The following HERPUD2 variants were observed in gnomAD, a reference collection of about 807,000 sequenced individuals.
HERPUD2 encodes the protein HERPUD family member 2.
Under a neutral mutation model 49.9 loss-of-function variants are expected in HERPUD2, and 13 were observed. The ratio of observed to expected loss-of-function variants is 0.26; its 90% CI spans 0.17 to 0.41. The LOEUF (loss-of-function observed/expected upper bound fraction) is 0.41. HERPUD2 is among the 10% of genes least tolerant of loss of function. HERPUD2 has a pLI of 1.00. For synonymous variants in HERPUD2, 172 were observed against 171.4 expected, an observed-to-expected ratio of 1.00 and a Z score of -0.03; for missense variants, 449 against 492.2, an observed-to-expected ratio of 0.91 and a Z score of 0.83.
intron 5 of HERPUD2, among the ~76,000 whole-genome samples, chr7:35,638,730 C>T (rs1384976768): frequency 1.3e-5 from 2 of 152,168 alleles, no homozygotes; most frequent in African/African-American, 2.4e-5. Context: ...ACAAAATGTA[C>T]ATCCAATCTA....
At chr7:35,641,077 A>G (rs1784961015) in intron 5 of HERPUD2, among the ~76,000 whole-genome samples, 1 of 152,216 alleles carries the variant, frequency 6.6e-6, no homozygotes, top group South Asian at 2.1e-4. Flanking sequence ...TGGCTAAGAA[A>G]TGTTGCAATA....
rs1027669966 is a variant in HERPUD2 at position 35,686,730 on chromosome 7, A to C, written c.147+7454T>G. 3.9e-5 allele frequency among the ~76,000 whole-genome samples: 4 copies of C among 102,278 alleles called. 1 individual carries two copies. Among genetic ancestry groups the C allele is most frequent in the South Asian group, 8.2e-4 (2 of 2,428 alleles). The allele number at this position is 102,278 out of a possible 152,430, so 67.1% of individuals were successfully genotyped here. ...CGACACTCCGTCTCAAAAAAAAAAA[A>C]AAAAAAAAAAAAAAACCAAACCCAT... is the stretch of plus-strand genomic sequence containing the variant. On this transcript the variant is annotated intron_variant, in intron 2 of 8. Coordinates refer to ENST00000311350, the MANE Select transcript of HERPUD2 (RefSeq NM_022373.5).
rs1583531861 is a variant in HERPUD2 at position 35,633,190 on chromosome 7, C to G, written c.*500G>C. On this transcript the variant is annotated 3_prime_UTR_variant, in exon 9 of 9. Coordinates refer to ENST00000311350, the MANE Select transcript of HERPUD2 (RefSeq NM_022373.5). ...CAGGCAATTCTCCTGCCTGAGCCCC[C>G]CAAGTAGCTGGGATTACAGGCGCGT... 6.6e-6 allele frequency: 1 copy of G among 152,014 alleles called. No individual in the cohort carries two copies. Among genetic ancestry groups the G allele is most frequent in the Non-Finnish European group, 1.5e-5 (1 of 68,094 alleles). The allele number at this position is 152,014 out of a possible 1,614,324, so 9.4% of individuals were successfully genotyped here. A position where few individuals can be genotyped will look rare whatever the true frequency, so the allele number is the denominator to read the frequency against.
intron 5 of HERPUD2, among the ~76,000 whole-genome samples, chr7:35,640,347 G>C (rs370798159): frequency 9.2e-5 from 14 of 152,264 alleles, no homozygotes; most frequent in Middle Eastern, 3.4e-3. Context: ...AAACAAGTCT[G>C]TTACTTCAAC....
chr7:35,673,515 A>G (rs1361242593), intron 2 of HERPUD2, among the ~76,000 whole-genome samples: 1 of 152,164 alleles, frequency 6.6e-6, no homozygotes, highest in Non-Finnish European at 1.5e-5. Context: ...TAATTAATAC[A>G]TTTAAAAACC....
chr7:35,675,295 A>AG (rs1285921934), intron 2 of HERPUD2, among the ~76,000 whole-genome samples: 1 of 152,212 alleles, frequency 6.6e-6, no homozygotes, highest in Non-Finnish European at 1.5e-5. Flanking sequence ...GCATAGTAGG[A>AG]GAAACTCAGT....
chr7:35,672,729 T>C (rs2115975651), intron 3 of HERPUD2, among the ~76,000 whole-genome samples: 1 of 152,234 alleles, frequency 6.6e-6, no homozygotes, highest in Middle Eastern at 3.4e-3. Context: ...TATAAAAATG[T>C]ATTGAAATAT....
intron 5 of HERPUD2, among the ~76,000 whole-genome samples, chr7:35,650,529 G>A (rs1348878889): frequency 2.0e-5 from 3 of 152,060 alleles, no homozygotes; most frequent in African/African-American, 2.4e-5. Context: ...AACCCCCAGC[G>A]GGCTGCATCC....
At position 35,694,185 on chromosome 7, in the gene HERPUD2, G is replaced by A. The variant is rs776132388; in HGVS notation, c.146C>T (p.Pro49Leu). Residue 49 changes from proline (P) to leucine (L), a missense_variant and splice_region_variant, in exon 2 of 9, where the codon CCA (proline) becomes CTA (leucine). Physicochemically the swap from Pro to Leu is moderately conservative, Grantham distance 98. Coordinates refer to ENST00000311350, the MANE Select transcript of HERPUD2 (RefSeq NM_022373.5). ...THLSNVYPSKPLTKDQRLVYS... is the reference protein window; with the variant it reads ...THLSNVYPSKLLTKDQRLVYS... ...TGCCCCCAGCTTTTACACACTTACT[G>A]GTTTGCTAGGGTAAACGTTAGATAG... 9 of 1,614,054 alleles carry A rather than the reference G, an allele frequency of 5.6e-6. No individual in the cohort carries two copies. The highest frequency in any genetic ancestry group is 1.7e-5 in the Admixed American group (1 of 60,014).
chr7:35,661,575 G>T (rs930277193), intron 5 of HERPUD2, among the ~76,000 whole-genome samples: 9 of 152,164 alleles, frequency 5.9e-5, no homozygotes, highest in African/African-American at 1.9e-4. Flanking sequence ...AGTTCTCCTT[G>T]AAGAGGTCGT....
chr7:35,692,678 A>G (rs1167250354), intron 2 of HERPUD2, among the ~76,000 whole-genome samples: 4 of 152,222 alleles, frequency 2.6e-5, no homozygotes, highest in African/African-American at 9.7e-5. Flanking sequence ...TTTGTATCAC[A>G]AAGTACTGAT....
In HERPUD2 at chr7:35,682,264, T is replaced by A. The variant is rs534423894; in HGVS notation, c.148-8986A>T. ...ACACATACACACGTGTGTGTGTGTA[T>A]ATATAGATATATACACATACACACG... On this transcript the variant is annotated intron_variant, in intron 2 of 8. Coordinates refer to ENST00000311350, the MANE Select transcript of HERPUD2 (RefSeq NM_022373.5). Among the ~76,000 whole-genome samples the A allele has an allele frequency of 2.5e-3, 124 of 49,920 alleles. 9 individuals are homozygous for A. Among genetic ancestry groups the A allele is most frequent in the African/African-American group, 9.4e-3 (119 of 12,618 alleles). The allele number at this position is 49,920 out of a possible 152,430, so 32.7% of individuals were successfully genotyped here.
intron 5 of HERPUD2, among the ~76,000 whole-genome samples, chr7:35,650,201 T>C (rs1032174645): frequency 2.0e-5 from 3 of 151,892 alleles, no homozygotes; most frequent in Non-Finnish European, 4.4e-5. Context: ...TAAGGGAGAA[T>C]GCTGGAATTC....
chr7:35,682,229 A>G (rs1389322126), intron 2 of HERPUD2, among the ~76,000 whole-genome samples: 5 of 129,218 alleles, frequency 3.9e-5, no homozygotes, highest in South Asian at 2.6e-4. Flanking sequence ...GTGTGTATAT[A>G]TAGATATATA....
intron 8 of HERPUD2, 51 bp downstream of exon 8, chr7:35,634,261 G>T: frequency 8.6e-7 from 1 of 1,165,656 alleles, no homozygotes; most frequent in Non-Finnish European, 1.3e-6. Context: ...GTCCCATACC[G>T]TGCTGGGAAA....
intron 5 of HERPUD2, among the ~76,000 whole-genome samples, chr7:35,640,203 T>C (rs1169554376): frequency 6.6e-6 from 1 of 152,234 alleles, no homozygotes; most frequent in Non-Finnish European, 1.5e-5. Context: ...TCTATAAAAC[T>C]ACCTAAATCA....
At chr7:35,665,904 G>A (rs1785528300) in intron 5 of HERPUD2, among the ~76,000 whole-genome samples, 1 of 151,960 alleles carries the variant, frequency 6.6e-6, no homozygotes, top group Non-Finnish European at 1.5e-5. Flanking sequence ...AGCTTGATTT[G>A]TTTATTACAA....
Position 35,638,434 on chromosome 7 carries a change from G to C in HERPUD2, c.533C>G (p.Pro178Arg). The change falls in exon 6 of 9, where the codon CCT becomes CGT. Residue 178 changes from proline to arginine, a missense_variant. Pro to Arg is a moderately radical substitution (Grantham distance 103). Transcript: ENST00000311350. Reference protein sequence around the residue: ...DNQFPGQAAPPGFPVYPAFSP... With the variant: ...DNQFPGQAAPRGFPVYPAFSP... ...AAACGCGGGATACACTGGGAATCCA[G>C]GTGGAGCAGCTTGCCCAGGAAATTG... 1 of 1,613,660 alleles carries C rather than the reference G, an allele frequency of 6.2e-7. No individual in the cohort carries two copies. The highest frequency in any genetic ancestry group is 8.5e-7 in the Non-Finnish European group (1 of 1,179,670).
intron 5 of HERPUD2, among the ~76,000 whole-genome samples, chr7:35,648,123 C>T (rs1414123006): frequency 6.6e-6 from 1 of 152,138 alleles, no homozygotes. Context: ...AGAAAGTAAA[C>T]TGGTACAACT....
Sources: gnomAD v4.1 joint callset for allele counts (sites outside exome capture counted in the v4.1 genomes callset) on GRCh38, gnomAD v4.1.1 for gene constraint, MANE v1.5 for transcripts, NCBI Gene and HGNC (gene_info 2026-07-23, HGNC 2026-07-21) for gene names.